Variants in OR9Q1 observed in about 807,000 individuals in gnomAD.
The protein encoded by OR9Q1 is olfactory receptor family 9 subfamily Q member 1, also known as olfactory receptor 9Q1.
For missense variants in OR9Q1, 374 were observed against 378.8 expected, an observed-to-expected ratio of 0.99 and a Z score of 0.11; for synonymous variants, 153 against 148.6, an observed-to-expected ratio of 1.03 and a Z score of -0.22.
intron 2 of OR9Q1, among the ~76,000 whole-genome samples, chr11:58,178,670 G>A (rs1238854420): frequency 3.3e-5 from 5 of 151,938 alleles, no homozygotes; most frequent in East Asian, 1.9e-4. Context: ...AGGAAGTTTC[G>A]GCTCAGAATG....
intron 2 of OR9Q1, among the ~76,000 whole-genome samples, chr11:58,074,135 T>C (rs949037335): frequency 6.6e-6 from 1 of 152,228 alleles, no homozygotes; most frequent in Admixed American, 6.5e-5. Context: ...AACATATGTG[T>C]GCATGTGTCT....
At chr11:58,056,899 T>C (rs2119984869) in intron 2 of OR9Q1, among the ~76,000 whole-genome samples, 1 of 152,012 alleles carries the variant, frequency 6.6e-6, no homozygotes, top group South Asian at 2.1e-4. Flanking sequence ...TAAGGCTCCC[T>C]GTAGAACTCT....
Position 58,087,223 on chromosome 11 carries a change from A to C in OR9Q1, c.-15+31276A>C, listed in dbSNP as rs1052907530. Among the ~76,000 whole-genome samples, 20 of 151,906 alleles carry C rather than the reference A, an allele frequency of 1.3e-4. 2 individuals are homozygous for C. The highest frequency in any genetic ancestry group is 4.6e-4 in the African/African-American group (19 of 41,256). On this transcript the variant is annotated intron_variant, in intron 2 of 2. Transcript: ENST00000335397. ...ATTCAGAAAAATTCATATCTATATGAATTTTTACAAATTTAATGCATCTAA... is the reference window on the plus strand; with the variant it reads ...ATTCAGAAAAATTCATATCTATATGCATTTTTACAAATTTAATGCATCTAA...
At chr11:58,148,136 G>C (rs531576180) in intron 2 of OR9Q1, among the ~76,000 whole-genome samples, 48 of 152,170 alleles carry the variant, frequency 3.2e-4, no homozygotes, top group African/African-American at 1.1e-3. Flanking sequence ...TGATCACTTA[G>C]AGCGACACCA....
intron 2 of OR9Q1, among the ~76,000 whole-genome samples, chr11:58,127,004 G>A: frequency 6.6e-6 from 1 of 152,184 alleles, no homozygotes; most frequent in Non-Finnish European, 1.5e-5. Context: ...AGGCTGGAGT[G>A]CAATGGCATG....
At chr11:58,066,228 A>C (rs901176134) in intron 2 of OR9Q1, among the ~76,000 whole-genome samples, 1 of 152,152 alleles carries the variant, frequency 6.6e-6, no homozygotes, top group African/African-American at 2.4e-5. Context: ...GCTGTGTGTA[A>C]GGGGTCGCAG....
intron 2 of OR9Q1, among the ~76,000 whole-genome samples, chr11:58,152,566 G>A (rs1415523619): frequency 6.6e-6 from 1 of 152,012 alleles, no homozygotes; most frequent in Non-Finnish European, 1.5e-5. Flanking sequence ...TTTTTTATGT[G>A]CTTTGTTGAT....
chr11:58,040,262 G>A (rs543161782), intron 1 of OR9Q1, among the ~76,000 whole-genome samples: 42 of 152,246 alleles, frequency 2.8e-4, no homozygotes, highest in African/African-American at 1.0e-3. Flanking sequence ...TGTTTATCAT[G>A]TGCTGAGATG....
Position 58,180,357 on chromosome 11 carries a change from A to G in OR9Q1, c.913A>G (p.Asn305Asp), listed in dbSNP as rs376844678. The G allele has an allele frequency of 2.2e-4, 344 of 1,592,062 alleles. No individual in the cohort carries two copies. The highest frequency in any genetic ancestry group is 2.9e-4 in the Non-Finnish European group (339 of 1,167,058). Residue 305 changes from asparagine (N) to aspartate (D), a missense_variant, in exon 3 of 3, where the codon AAT (asparagine) becomes GAT (aspartate). By Grantham distance (23) the Asn-to-Asp change is conservative. Transcript: ENST00000335397. ...EVKEALRKIL[N>D]RAKLS Reference sequence around the variant, plus strand: ...GAAGGAGGCCCTGAGAAAAATTCTCAATAGAGCCAAGTTGTCCTAACCATC... The same window carrying G: ...GAAGGAGGCCCTGAGAAAAATTCTCGATAGAGCCAAGTTGTCCTAACCATC...
At chr11:58,173,535 A>G (rs1273959841) in intron 2 of OR9Q1, among the ~76,000 whole-genome samples, 20 of 151,684 alleles carry the variant, frequency 1.3e-4, no homozygotes, top group Admixed American at 1.3e-3. Context: ...CCAGTCTATC[A>G]TTGTTGGACA....
At chr11:58,169,236 A>G (rs1725413487) in intron 2 of OR9Q1, among the ~76,000 whole-genome samples, 1 of 152,094 alleles carries the variant, frequency 6.6e-6, no homozygotes, top group African/African-American at 2.4e-5. Flanking sequence ...AGAAACATGT[A>G]ATGGATTCTT....
At chr11:58,043,198 G>A (rs1227772547) in intron 1 of OR9Q1, among the ~76,000 whole-genome samples, 1 of 152,106 alleles carries the variant, frequency 6.6e-6, no homozygotes, top group Non-Finnish European at 1.5e-5. Flanking sequence ...TCTCATTTGT[G>A]TCATCCTCTC....
Position 58,181,257 on chromosome 11 carries a change from C to T in OR9Q1, c.*880C>T, listed in dbSNP as rs1024814028. 12 of 167,188 alleles carry T rather than the reference C, an allele frequency of 7.2e-5. No homozygotes were observed. The highest frequency in any genetic ancestry group is 2.9e-4 in the African/African-American group (12 of 41,552). 10.4% of individuals were successfully genotyped at this position (167,188 alleles called of 1,614,324 possible). On this transcript the variant is annotated 3_prime_UTR_variant, in exon 3 of 3. Transcript: ENST00000335397. ...GCGTCTTCAGTGTCTGTATCATAGA[C>T]ATTGACTCTCTGTGTTCTGAAAGCT...
At chr11:58,037,070 T>G (rs1316419819) in intron 1 of OR9Q1, among the ~76,000 whole-genome samples, 1 of 152,186 alleles carries the variant, frequency 6.6e-6, no homozygotes, top group African/African-American at 2.4e-5. Context: ...ACTTCATTGT[T>G]GTCTTGTTTT....
At chr11:58,040,371 T>A (rs1479813748) in intron 1 of OR9Q1, among the ~76,000 whole-genome samples, 1 of 152,216 alleles carries the variant, frequency 6.6e-6, no homozygotes, top group African/African-American at 2.4e-5. Context: ...TGAGGTAACA[T>A]GCTGAGGTTT....
At chr11:58,175,186 G>C (rs928806641) in intron 2 of OR9Q1, among the ~76,000 whole-genome samples, 2 of 150,930 alleles carry the variant, frequency 1.3e-5, no homozygotes, top group South Asian at 2.1e-4. Flanking sequence ...TCAGTGGATT[G>C]GGTAGGATAG....
rs758346013 is a variant in OR9Q1, at chr11:58,119,473, A to G, written c.-14-59958A>G. On this transcript the variant is annotated intron_variant, in intron 2 of 2. Transcript: ENST00000335397. ...GACAATGTGGACTGTTGGTCTGAGG[A>G]TGATAATGAAATAAAAAGAATCTCA... 6 of 1,332,486 alleles carry G rather than the reference A, an allele frequency of 4.5e-6. No homozygotes were observed. The Admixed American group carries it at 6.4e-5, about 14-fold the overall frequency. 82.5% of individuals were successfully genotyped at this position (1,332,486 alleles called of 1,614,324 possible).
At chr11:58,076,319 G>A (rs1207945838) in intron 2 of OR9Q1, among the ~76,000 whole-genome samples, 1 of 152,166 alleles carries the variant, frequency 6.6e-6, no homozygotes, top group African/African-American at 2.4e-5. Flanking sequence ...GTTGTGTGGG[G>A]CTTCAATCTC....
chr11:58,163,456 C>T (rs929959679), intron 2 of OR9Q1, among the ~76,000 whole-genome samples: 8 of 152,178 alleles, frequency 5.3e-5, no homozygotes, highest in Non-Finnish European at 1.2e-4. Context: ...TTTTTCTTGT[C>T]TGGACATTTT....
Sources: allele counts gnomAD v4.1 joint callset (sites outside exome capture counted in the v4.1 genomes callset), GRCh38; gene constraint gnomAD v4.1.1; transcripts MANE v1.5; gene names NCBI Gene and HGNC (gene_info 2026-07-23, HGNC 2026-07-21).